NRXN2: variants seen among roughly 807,000 people sequenced by gnomAD.
The protein encoded by NRXN2 is neurexin-2-beta.
In NRXN2, 29 loss-of-function variants were observed where a neutral mutation model predicts 128.8. That is an observed-to-expected ratio of 0.23 (90% CI 0.17 to 0.31). The LOEUF (loss-of-function observed/expected upper bound fraction) is 0.31. Among genes scored for constraint, NRXN2 ranks in the 10% least tolerant of loss-of-function variants. The pLI is 1.00. For synonymous variants in NRXN2, 1,098 were observed against 1,075.2 expected, an observed-to-expected ratio of 1.02 and a Z score of -0.41; for missense variants, 1,881 against 2,452.6, an observed-to-expected ratio of 0.77 and a Z score of 4.92.
chr11:64,636,981 GC>G (rs1458438713), intron 17 of NRXN2, among the ~76,000 whole-genome samples: 6 of 152,204 alleles, frequency 3.9e-5, no homozygotes, highest in African/African-American at 1.4e-4. Context: ...CCATCTGCAG[GC>G]CCAGGGAGGT....
At position 64,688,265 on chromosome 11, in the gene NRXN2, C is replaced by T. The variant is rs112287885; in HGVS notation, c.850+2140G>A. The T allele has an allele frequency of 9.2e-6, 9 of 981,374 alleles. No individual in the cohort carries two copies. The African/African-American group carries it at 1.0e-4, about 11-fold the overall frequency. The allele number at this position is 981,374 out of a possible 1,614,324, so 60.8% of individuals were successfully genotyped here. On this transcript the variant is annotated intron_variant, in intron 5 of 22. Coordinates refer to ENST00000265459, the MANE Select transcript of NRXN2 (RefSeq NM_015080.4). ...GCAAAGCTAGCTACTCTGGAGCCTGCGCCTCCACGGGCTCCAGTCCCTTTA... is the reference window on the plus strand; with the variant it reads ...GCAAAGCTAGCTACTCTGGAGCCTGTGCCTCCACGGGCTCCAGTCCCTTTA...
chr11:64,614,428 G>T (rs769458341), intron 22 of NRXN2, among the ~76,000 whole-genome samples: 4 of 152,214 alleles, frequency 2.6e-5, no homozygotes, highest in African/African-American at 9.6e-5. Flanking sequence ...GCAGGGGTGG[G>T]CTATCATGCT....
intron 9 of NRXN2, chr11:64,661,465 C>T: frequency 8.4e-7 from 1 of 1,187,834 alleles, no homozygotes. Flanking sequence ...AAATCTTGAG[C>T]TCGGAAAGGG....
At chr11:64,661,307 T>C (rs2048997671) in intron 9 of NRXN2, 168 bp from the exon 10 acceptor site, 6 of 1,489,188 alleles carry the variant, frequency 4.0e-6, no homozygotes, top group Non-Finnish European at 5.3e-6. Flanking sequence ...CCTCACTCAC[T>C]GCAAAAACTG....
intron 22 of NRXN2, among the ~76,000 whole-genome samples, chr11:64,619,734 A>G (rs571599162): frequency 1.4e-3 from 209 of 152,278 alleles, no homozygotes; most frequent in African/African-American, 4.9e-3. Flanking sequence ...CAGAGCAGTC[A>G]CTGTGTTGTA....
rs974582444 is a variant in NRXN2, at chr11:64,622,372, C to T, written c.4173+381G>A. Among the ~76,000 whole-genome samples, 1 of 152,242 alleles carries T rather than the reference C, an allele frequency of 6.6e-6. No homozygotes were observed. Among genetic ancestry groups the T allele is most frequent in the Non-Finnish European group, 1.5e-5 (1 of 68,044 alleles). ...ATCCATCTCCCACTCTCTGCCCACA[C>T]AGAACGCTAGGCATGGCCTTCACTG... On this transcript the variant is annotated intron_variant, in intron 21 of 22. Coordinates refer to ENST00000265459, the MANE Select transcript of NRXN2 (RefSeq NM_015080.4). The surrounding 1 kb of genome is among the most constrained non-coding windows in gnomAD (Gnocchi z 4.3).
At chr11:64,702,811 T>A (rs1592232061) in intron 2 of NRXN2, among the ~76,000 whole-genome samples, 17 of 130,798 alleles carry the variant, frequency 1.3e-4, no homozygotes, top group Middle Eastern at 3.7e-3. Flanking sequence ...AAAAAAAAAT[T>A]AGAAAAAAAA....
Position 64,713,513 on chromosome 11 carries a change from G to A in NRXN2, c.187C>T (p.Arg63Cys), listed in dbSNP as rs766431359. ...TCGTCCAGGTAGAGCAGCAGCGCGCGCGTGGCGTTGGTGCGCAGGCTGAAG... is the reference window on the plus strand; with the variant it reads ...TCGTCCAGGTAGAGCAGCAGCGCGCACGTGGCGTTGGTGCGCAGGCTGAAG... Reference protein sequence around the residue: ...LSFSLRTNATRALLLYLDDGG... With the variant: ...LSFSLRTNATCALLLYLDDGG... Residue 63 changes from arginine (R) to cysteine (C), a missense_variant, in exon 2 of 23, where the codon CGC (arginine) becomes TGC (cysteine). Around this residue, in one of 7 missense-constraint regions of NRXN2, gnomAD observed 997 missense variants for 1,240.8 expected, o/e 0.80. Transcript: ENST00000265459. The A allele has an allele frequency of 2.0e-6, 3 of 1,514,290 alleles. No individual in the cohort carries two copies. The highest frequency in any genetic ancestry group is 2.4e-5 in the South Asian group (2 of 81,874). The allele number at this position is 1,514,290 out of a possible 1,614,324, so 93.8% of individuals were successfully genotyped here.
chr11:64,631,860 C>T lies in NRXN2; in HGVS notation c.3586-1287G>A, dbSNP rs779705023. 6.6e-6 allele frequency among the ~76,000 whole-genome samples: 1 copy of T among 152,164 alleles called. No individual in the cohort carries two copies. The highest frequency in any genetic ancestry group is 1.5e-5 in the Non-Finnish European group (1 of 68,024). ...GCCCCTGTTTCACTTCCCTGCACCT[C>T]CCAGCAGCACTCCTGAACGCGGTCT... On this transcript the variant is annotated intron_variant, in intron 18 of 22. Transcript: ENST00000265459. This position sits in a 1 kb window ranked among gnomAD's most constrained non-coding sequence, Gnocchi z 4.8.
At chr11:64,636,682 G>A (rs983014802) in intron 17 of NRXN2, among the ~76,000 whole-genome samples, 5 of 152,110 alleles carry the variant, frequency 3.3e-5, no homozygotes, top group Non-Finnish European at 7.4e-5. Context: ...GCCTAGACAG[G>A]GAGAAAATGT....
intron 15 of NRXN2, among the ~76,000 whole-genome samples, chr11:64,649,547 G>A (rs1457995502): frequency 6.6e-6 from 1 of 152,222 alleles, no homozygotes; most frequent in African/African-American, 2.4e-5. Context: ...GACCCGCCAA[G>A]ATAACCCCCG....
rs1234787877 is a variant in NRXN2 at position 64,622,001 on chromosome 11, A to G, written c.4173+752T>C. Among the ~76,000 whole-genome samples the G allele has an allele frequency of 6.6e-6, 1 of 151,868 alleles. No individual in the cohort carries two copies. Among genetic ancestry groups the G allele is most frequent in the Non-Finnish European group, 1.5e-5 (1 of 67,926 alleles). On this transcript the variant is annotated intron_variant, in intron 21 of 22. Transcript: ENST00000265459. The surrounding 1 kb of genome is among the most constrained non-coding windows in gnomAD (Gnocchi z 4.3). ...ATGTGCTTCAAGGCCCCTCCTCCCT[A>G]CCAGTCTGTGCTGCAGGAAGCCTGG...
intron 20 of NRXN2, among the ~76,000 whole-genome samples, chr11:64,626,134 C>T (rs1007988894): frequency 6.6e-6 from 1 of 152,138 alleles, no homozygotes; most frequent in African/African-American, 2.4e-5. Context: ...GCATTCCCAG[C>T]CTGCTTGTGA....
chr11:64,623,155 GA>G lies in NRXN2; in HGVS notation c.3848-78del. 1 of 1,515,232 alleles carries G rather than the reference GA, an allele frequency of 6.6e-7. No individual in the cohort carries two copies. 93.9% of individuals were successfully genotyped at this position (1,515,232 alleles called of 1,614,324 possible). A position where few individuals can be genotyped will look rare whatever the true frequency, so the allele number is the denominator to read the frequency against. The stretch of plus-strand genomic sequence containing the variant: ...CCAGGAAGGGAAGGAAGAAAAGAAG[GA>G]AGCCAAGGAGAGGAAAGAGGAATGG... On this transcript the variant is annotated intron_variant, in intron 20 of 22. Coordinates refer to ENST00000265459, the MANE Select transcript of NRXN2 (RefSeq NM_015080.4). The surrounding 1 kb of genome is among the most constrained non-coding windows in gnomAD (Gnocchi z 4.9).
chr11:64,665,763 G>A (rs528037911), intron 9 of NRXN2, among the ~76,000 whole-genome samples: 92 of 152,274 alleles, frequency 6.0e-4, no homozygotes, highest in Non-Finnish European at 1.0e-3. Flanking sequence ...TTTAGCTGAC[G>A]TTGATAAGTG....
intron 5 of NRXN2, among the ~76,000 whole-genome samples, chr11:64,689,892 T>TG (rs2053578169): frequency 6.6e-6 from 1 of 152,178 alleles, no homozygotes; most frequent in Non-Finnish European, 1.5e-5. Flanking sequence ...CTTGAGGACT[T>TG]GTTATAGTGG....
chr11:64,622,717 C>T lies in NRXN2; in HGVS notation c.4173+36G>A, dbSNP rs766379627. ...AGATATCAACCCCATCCCCACCTAT[C>T]CCTGCCCTAATCCACCAGCCAGAGT... On this transcript the variant is annotated intron_variant, in intron 21 of 22. Coordinates refer to ENST00000265459, the MANE Select transcript of NRXN2 (RefSeq NM_015080.4). The surrounding 1 kb of genome is among the most constrained non-coding windows in gnomAD (Gnocchi z 4.3). 5.6e-6 allele frequency: 9 copies of T among 1,593,052 alleles called. No homozygotes were observed. The Admixed American group carries it at 1.5e-4, about 27-fold the overall frequency.
intron 2 of NRXN2, among the ~76,000 whole-genome samples, chr11:64,702,265 G>GC (rs1282549018): frequency 1.3e-5 from 2 of 152,126 alleles, no homozygotes; most frequent in Non-Finnish European, 2.9e-5. Flanking sequence ...GAAGTGAGGA[G>GC]CCCCTCTGCC....
At chr11:64,634,672 T>A (rs1462941912) in intron 18 of NRXN2, among the ~76,000 whole-genome samples, 1 of 151,342 alleles carries the variant, frequency 6.6e-6, no homozygotes, top group East Asian at 2.0e-4. Flanking sequence ...AAGAGGTCAG[T>A]GAGGAGTGAA....
Sources: allele counts gnomAD v4.1 joint callset (sites outside exome capture counted in the v4.1 genomes callset), GRCh38; gene constraint gnomAD v4.1.1; regional missense constraint gnomAD v4.1.1; non-coding constraint Gnocchi (gnomAD v3.1); transcripts MANE v1.5; gene names NCBI Gene and HGNC (gene_info 2026-07-23, HGNC 2026-07-21).